Variants in AGBL1 observed in about 807,000 individuals in gnomAD.
The protein encoded by AGBL1 is cytosolic carboxypeptidase 4.
In AGBL1, 130 loss-of-function variants were observed where a neutral mutation model predicts 118.9. The observed-to-expected ratio is 1.09, with a 90% confidence interval of 0.95 to 1.26. The LOEUF is 1.26. Among genes scored for constraint, AGBL1 ranks in the 50% most tolerant of loss-of-function variants. The pLI, the probability that AGBL1 is intolerant of heterozygous loss-of-function variation, is 0.00. For synonymous variants in AGBL1, 555 were observed against 478.9 expected (o/e 1.16, Z -2.08); for missense variants, 1,584 against 1,298.1 (o/e 1.22, Z -3.38).
At chr15:86,853,718 C>T (rs1459458933) in intron 22 of AGBL1, among the ~76,000 whole-genome samples, 1 of 152,210 alleles carries the variant, frequency 6.6e-6, no homozygotes, top group Non-Finnish European at 1.5e-5. Flanking sequence ...GCCATCGCTA[C>T]ATCTAGTTTT....
chr15:86,646,114 A>G (rs1192571429), intron 21 of AGBL1, among the ~76,000 whole-genome samples: 1 of 152,100 alleles, frequency 6.6e-6, no homozygotes, highest in Non-Finnish European at 1.5e-5. Flanking sequence ...TCCCCGTCTT[A>G]CATCAACAGT....
intron 21 of AGBL1, among the ~76,000 whole-genome samples, chr15:86,557,507 G>A (rs772887931): frequency 5.9e-5 from 9 of 152,134 alleles, no homozygotes; most frequent in Non-Finnish European, 1.2e-4. Context: ...GACAGAAGAT[G>A]GTAACTCAGC....
chr15:86,468,383 T>C (rs931997040), intron 18 of AGBL1, among the ~76,000 whole-genome samples: 1 of 152,156 alleles, frequency 6.6e-6, no homozygotes, highest in African/African-American at 2.4e-5. Flanking sequence ...CCCTAGAGAA[T>C]GAGGCTTGTT....
chr15:86,920,529 A>G (rs1432807165), downstream of AGBL1, among the ~76,000 whole-genome samples: 1 of 152,176 alleles, frequency 6.6e-6, no homozygotes, highest in Admixed American at 6.5e-5. Flanking sequence ...AGGGGAAAAC[A>G]CAGGGCAGAT....
chr15:86,289,802 G>T (rs114299910), intron 16 of AGBL1, among the ~76,000 whole-genome samples: 3,191 of 152,242 alleles, frequency 0.021, 114 homozygotes, highest in African/African-American at 0.074. Flanking sequence ...ATCCAGGATA[G>T]TCTCCTCATC....
At position 86,319,636 on chromosome 15, in the gene AGBL1, T is replaced by G. The variant is rs372702277; in HGVS notation, c.2374+24228T>G. ...TTTTAGTTCTGATTTGTGTTTTATT[T>G]GCCCATCTCTGCACTCATATGTTAC... On this transcript the variant is annotated intron_variant, in intron 17 of 22. Transcript: ENST00000614907. 2.0e-4 allele frequency among the ~76,000 whole-genome samples: 31 copies of G among 152,226 alleles called. No individual in the cohort carries two copies. In the East Asian group the frequency reaches 5.6e-3, roughly 28 times the overall value.
In AGBL1 at chr15:86,870,454, C is replaced by CAAAAAAAAAAAAAAAAAAAAAAAAAA. The variant is rs770556494; in HGVS notation, c.3159-36616_3159-36591dup. Among the ~76,000 whole-genome samples, 44 of 64,112 alleles carry CAAAAAAAAAAAAAAAAAAAAAAAAAA rather than the reference C, an allele frequency of 6.9e-4. 6 individuals are homozygous for CAAAAAAAAAAAAAAAAAAAAAAAAAA. Among genetic ancestry groups the CAAAAAAAAAAAAAAAAAAAAAAAAAA allele is most frequent in the African/African-American group, 8.4e-4 (11 of 13,076 alleles). The allele number at this position is 64,112 out of a possible 152,430, so 42.1% of individuals were successfully genotyped here. On this transcript the variant is annotated intron_variant, in intron 22 of 22. Transcript: ENST00000614907. ...GGCAAGAAAAAAGTAAAGCATACTG[C>CAAAAAAAAAAAAAAAAAAAAAAAAAA]AAAAAAAAAAAAAAAAAAAAAAAAA...
intron 1 of AGBL1, chr15:86,116,580 C>T (rs1315596012): frequency 6.6e-6 from 1 of 152,288 alleles, no homozygotes; most frequent in Non-Finnish European, 1.5e-5. Flanking sequence ...GATGAACTTA[C>T]TCTCTCTTCT....
At chr15:86,297,815 C>G (rs1398805933) in intron 17 of AGBL1, among the ~76,000 whole-genome samples, 1 of 152,184 alleles carries the variant, frequency 6.6e-6, no homozygotes, top group Non-Finnish European at 1.5e-5. Flanking sequence ...CATTGTTATT[C>G]TGATTCCAGA....
intron 9 of AGBL1, among the ~76,000 whole-genome samples, chr15:86,260,188 T>G (rs1478725948): frequency 6.6e-6 from 1 of 152,320 alleles, no homozygotes; most frequent in African/African-American, 2.4e-5. Context: ...GGATTTTCCC[T>G]GGGGAAACCA....
chr15:86,906,121 C>A (rs1000144999), intron 22 of AGBL1, among the ~76,000 whole-genome samples: 1 of 152,194 alleles, frequency 6.6e-6, no homozygotes, highest in Non-Finnish European at 1.5e-5. Flanking sequence ...GGTGGATGAA[C>A]AGCTCTGCCT....
In AGBL1 at chr15:86,088,303, C is replaced by T. The variant is rs1204242843; in HGVS notation, c.51+8280C>T. 2.0e-5 allele frequency: 3 copies of T among 152,380 alleles called. No homozygotes were observed. In the East Asian group the frequency reaches 5.8e-4, roughly 29 times the overall value. 9.4% of individuals were successfully genotyped at this position (152,380 alleles called of 1,614,324 possible). On this transcript the variant is annotated intron_variant, in intron 1 of 22. Transcript: ENST00000614907. ...CGGCAAACTGCCAAGTAGGAACTTA[C>T]CTCTCTGTGGTGGATGTTCTCAACT...
intron 5 of AGBL1, among the ~76,000 whole-genome samples, chr15:86,204,422 T>TA (rs1672500967): frequency 6.6e-6 from 1 of 152,110 alleles, no homozygotes; most frequent in Non-Finnish European, 1.5e-5. Context: ...CAGAGCCCCC[T>TA]ACCTGTTATC....
chr15:86,702,459 G>A (rs965652872), intron 22 of AGBL1, among the ~76,000 whole-genome samples: 4 of 152,000 alleles, frequency 2.6e-5, no homozygotes, highest in African/African-American at 9.7e-5. Flanking sequence ...ATGAATCAAA[G>A]GGTTTACATT....
chr15:86,674,265 A>G lies in AGBL1; in HGVS notation c.2995-8A>G. 2 of 1,604,960 alleles carry G rather than the reference A, an allele frequency of 1.2e-6. No individual in the cohort carries two copies. The highest frequency in any genetic ancestry group is 1.7e-6 in the Non-Finnish European group (2 of 1,174,162). On this transcript the variant is annotated splice_region_variant and splice_polypyrimidine_tract_variant and intron_variant, in intron 21 of 22. Transcript: ENST00000614907. ...GTTGCCACAGTTAATGCTTTGTTTA[A>G]CTGGCAGGGTCTACAGTTTGGTACC...
intron 6 of AGBL1, among the ~76,000 whole-genome samples, chr15:86,231,500 A>G (rs1388629383): frequency 6.6e-6 from 1 of 152,220 alleles, no homozygotes; most frequent in Non-Finnish European, 1.5e-5. Flanking sequence ...TGCATTTGTT[A>G]CACTGGGATG....
chr15:86,760,391 A>G (rs2078006750), intron 22 of AGBL1, among the ~76,000 whole-genome samples: 1 of 152,050 alleles, frequency 6.6e-6, no homozygotes, highest in Admixed American at 6.6e-5. Flanking sequence ...GCATTCTCCT[A>G]CTTGCCCATT....
At chr15:86,799,112 T>C (rs966165940) in intron 22 of AGBL1, among the ~76,000 whole-genome samples, 10 of 152,090 alleles carry the variant, frequency 6.6e-5, no homozygotes, top group Non-Finnish European at 1.5e-4. Flanking sequence ...AAGACAGTTC[T>C]CTCTGGTTCC....
chr15:86,341,704 G>A (rs1317857249), intron 17 of AGBL1, among the ~76,000 whole-genome samples: 5 of 152,160 alleles, frequency 3.3e-5, no homozygotes, highest in African/African-American at 1.2e-4. Flanking sequence ...GATTAGAAAT[G>A]TAACTATGAG....
Sources: allele counts gnomAD v4.1 joint callset (sites outside exome capture counted in the v4.1 genomes callset), GRCh38; gene constraint gnomAD v4.1.1; transcripts MANE v1.5; gene names NCBI Gene and HGNC (gene_info 2026-07-23, HGNC 2026-07-21).